Variants in PLOD2 observed in about 807,000 individuals in gnomAD.
The protein encoded by PLOD2 is procollagen-lysine,2-oxoglutarate 5-dioxygenase 2, also known as lysine hydroxylase 2.
A neutral mutation model predicts 101.0 loss-of-function variants in PLOD2; 65 were observed. The ratio of observed to expected loss-of-function variants is 0.64; its 90% CI spans 0.53 to 0.79. PLOD2 has a LOEUF of 0.79. Ranked by LOEUF, PLOD2 falls within the 30% of genes least tolerant of loss-of-function variation. The probability of loss-of-function intolerance (pLI) is 0.00; values close to 1 mark genes in which losing one functional copy is unlikely to be tolerated. For missense variants in PLOD2, 909 were observed against 914.6 expected (o/e 0.99, Z 0.08); for synonymous variants, 314 against 302.9 (o/e 1.04, Z -0.38).
intron 7 of PLOD2, among the ~76,000 whole-genome samples, chr3:146,099,081 G>A (rs983751995): frequency 6.6e-6 from 1 of 151,776 alleles, no homozygotes; most frequent in African/African-American, 2.4e-5. Flanking sequence ...TTGTCTAATA[G>A]AATAACAAAA....
chr3:146,128,880 C>CTTTTTTTT lies in PLOD2; in HGVS notation c.110-4659_110-4652dup, dbSNP rs3975816. The stretch of plus-strand genomic sequence containing the variant: ...CAGCTTCTGAAGTCCATCTGAAATC[C>CTTTTTTTT]TTTTTTTTTTTTTTTTTTTTTTTTT... On this transcript the variant is annotated intron_variant, in intron 1 of 19. Coordinates refer to ENST00000282903, the MANE Select transcript of PLOD2 (RefSeq NM_182943.3). Among the ~76,000 whole-genome samples, 79 of 73,236 alleles carry CTTTTTTTT rather than the reference C, an allele frequency of 1.1e-3. 3 individuals carry two copies. Among genetic ancestry groups the CTTTTTTTT allele is most frequent in the South Asian group, 3.0e-3 (4 of 1,314 alleles). The allele number at this position is 73,236 out of a possible 152,430, so 48.0% of individuals were successfully genotyped here.
chr3:146,160,976 G>C lies in PLOD2; in HGVS notation c.14C>G (p.Thr5Arg). MGGC[T>R]VKPQLLLLAL... ...CAGGAGCAGCAGCTGAGGCTTCACC[G>C]TGCATCCCCCCATATTCGGCCCTCG... The change falls in exon 1 of 20, where the codon ACG (threonine) becomes AGG (arginine). Residue 5 changes from threonine to arginine, a missense_variant. Thr to Arg is a moderately conservative substitution (Grantham distance 71). Coordinates refer to ENST00000282903, the MANE Select transcript of PLOD2 (RefSeq NM_182943.3). 7 of 1,586,764 alleles carry C rather than the reference G, an allele frequency of 4.4e-6. No homozygotes were observed. Among genetic ancestry groups the C allele is most frequent in the Non-Finnish European group, 6.0e-6 (7 of 1,166,310 alleles).
intron 8 of PLOD2, among the ~76,000 whole-genome samples, chr3:146,089,046 C>T (rs1227666104): frequency 6.6e-6 from 1 of 151,618 alleles, no homozygotes; most frequent in Non-Finnish European, 1.5e-5. Flanking sequence ...TTCTTCACAT[C>T]TGAAAGCTAT....
In PLOD2 at chr3:146,085,211, A is replaced by C. The variant is rs775584011; in HGVS notation, c.1190T>G (p.Leu397Trp). Residue 397 changes from leucine (L) to tryptophan (W), a missense_variant, in exon 11 of 20, where the codon TTG becomes TGG. Coordinates refer to ENST00000282903, the MANE Select transcript of PLOD2 (RefSeq NM_182943.3). Reference protein sequence around the residue: ...YYFSVDADVVLTNPRTLKILI... With the variant: ...YYFSVDADVVWTNPRTLKILI... Reference sequence around the variant, plus strand: ...AATTTTTAAAGTCCTTGGATTTGTCAAAACAACATCTGCATCCACACTAAA... The same window carrying C: ...AATTTTTAAAGTCCTTGGATTTGTCCAAACAACATCTGCATCCACACTAAA... 1.2e-6 allele frequency: 2 copies of C among 1,606,318 alleles called. No individual in the cohort carries two copies. Among genetic ancestry groups the C allele is most frequent in the Admixed American group, 1.7e-5 (1 of 59,964 alleles).
intron 9 of PLOD2, among the ~76,000 whole-genome samples, 166 bp from the exon 10 acceptor site, chr3:146,087,074 T>G (rs1936803243): frequency 6.6e-6 from 1 of 152,000 alleles, no homozygotes; most frequent in African/African-American, 2.4e-5. Flanking sequence ...TAAATATCAC[T>G]TAAATGTCAC....
At chr3:146,142,338 A>G (rs969616486) in intron 1 of PLOD2, among the ~76,000 whole-genome samples, 2 of 152,070 alleles carry the variant, frequency 1.3e-5, no homozygotes, top group Non-Finnish European at 2.9e-5. Context: ...TAAGTTAGCA[A>G]AACAAATCAG....
intron 7 of PLOD2, among the ~76,000 whole-genome samples, chr3:146,099,448 G>A (rs1371411392): frequency 1.3e-5 from 2 of 152,150 alleles, no homozygotes; most frequent in South Asian, 2.1e-4. Context: ...CCAGGCTGGA[G>A]TGCAATGGCC....
chr3:146,152,031 T>G (rs958390431), intron 1 of PLOD2, among the ~76,000 whole-genome samples: 3 of 152,190 alleles, frequency 2.0e-5, no homozygotes, highest in African/African-American at 7.2e-5. Context: ...GTAGATTTAC[T>G]AAATTATATA....
At chr3:146,144,025 C>T (rs1707468) in intron 1 of PLOD2, among the ~76,000 whole-genome samples, 102,937 of 151,870 alleles carry the variant, frequency 0.68, 35,165 homozygotes, top group East Asian at 0.8. Flanking sequence ...CTGTGGTCCC[C>T]GCTGCCTGTA....
intron 1 of PLOD2, among the ~76,000 whole-genome samples, chr3:146,155,284 A>G (rs1221510376): frequency 1.3e-5 from 2 of 152,020 alleles, no homozygotes; most frequent in Non-Finnish European, 2.9e-5. Flanking sequence ...TGATAGCGTC[A>G]CTGCATTCTA....
intron 1 of PLOD2, 68 bp from the exon 2 acceptor site, chr3:146,124,297 T>G (rs1037603962): frequency 1.2e-6 from 1 of 857,182 alleles, no homozygotes. Context: ...TACAACTCAC[T>G]ACAGTAATTG....
intron 1 of PLOD2, among the ~76,000 whole-genome samples, chr3:146,158,225 A>T (rs375044341): frequency 6.6e-6 from 1 of 152,154 alleles, no homozygotes; most frequent in Non-Finnish European, 1.5e-5. Flanking sequence ...ACTGGCACTG[A>T]TTAAGAAGGT....
chr3:146,156,282 T>G (rs537742478), intron 1 of PLOD2, among the ~76,000 whole-genome samples: 3 of 152,124 alleles, frequency 2.0e-5, no homozygotes, highest in Non-Finnish European at 4.4e-5. Context: ...ACAACTTAAG[T>G]GGGAATGTCA....
intron 1 of PLOD2, among the ~76,000 whole-genome samples, chr3:146,145,278 A>G (rs2031724975): frequency 6.6e-6 from 1 of 152,180 alleles, no homozygotes; most frequent in African/African-American, 2.4e-5. Flanking sequence ...TAAAACTGCT[A>G]TGGTGACATA....
rs772968319 is a variant in PLOD2, at chr3:146,160,867, C to G, written c.109+14G>C. ...CGAGCCTCGCGGGACAGCGGCGGACCGCGGGGTGCTCACCTGTGGGGATGC... is the reference window on the plus strand; with the variant it reads ...CGAGCCTCGCGGGACAGCGGCGGACGGCGGGGTGCTCACCTGTGGGGATGC... On this transcript the variant is annotated intron_variant, in intron 1 of 19. Coordinates refer to ENST00000282903, the MANE Select transcript of PLOD2 (RefSeq NM_182943.3). 12 of 1,510,932 alleles carry G rather than the reference C, an allele frequency of 7.9e-6. No individual in the cohort carries two copies. The African/African-American group carries it at 1.1e-4, about 14-fold the overall frequency. The allele number at this position is 1,510,932 out of a possible 1,614,324, so 93.6% of individuals were successfully genotyped here.
In PLOD2 at chr3:146,091,914, G is replaced by C; in HGVS notation, c.778-13C>G. On this transcript the variant is annotated splice_polypyrimidine_tract_variant and intron_variant, in intron 7 of 19. Transcript: ENST00000282903. ...AATTCAGGAGAATCTTGTAAATGAA[G>C]GAAAAGGTTATTAATGAAAGCAGGC... is the stretch of plus-strand genomic sequence containing the variant. The C allele has an allele frequency of 3.6e-6, 5 of 1,372,620 alleles. No individual in the cohort carries two copies. Among genetic ancestry groups the C allele is most frequent in the Non-Finnish European group, 5.2e-6 (5 of 960,214 alleles). 85.0% of individuals were successfully genotyped at this position (1,372,620 alleles called of 1,614,324 possible). A position where few individuals can be genotyped will look rare whatever the true frequency, so the allele number is the denominator to read the frequency against.
chr3:146,091,216 C>G (rs1260688496), intron 8 of PLOD2, among the ~76,000 whole-genome samples: 4 of 151,742 alleles, frequency 2.6e-5, no homozygotes, highest in African/African-American at 9.7e-5. Flanking sequence ...TAGTCTGGAG[C>G]CAGACTCCCT....
intron 8 of PLOD2, among the ~76,000 whole-genome samples, chr3:146,089,091 T>C (rs1422553451): frequency 2.0e-5 from 3 of 151,638 alleles, no homozygotes; most frequent in Non-Finnish European, 4.4e-5. Context: ...AAATACTAAT[T>C]GTGTTTCTCT....
At chr3:146,076,474 T>C (rs1004029640) in intron 15 of PLOD2, 10 of 204,960 alleles carry the variant, frequency 4.9e-5, no homozygotes, top group African/African-American at 1.4e-4. Flanking sequence ...AGTAATGGAA[T>C]TGCTGGGTCA....
Sources: gnomAD v4.1 joint callset for allele counts (sites outside exome capture counted in the v4.1 genomes callset) on GRCh38, gnomAD v4.1.1 for gene constraint, MANE v1.5 for transcripts, NCBI Gene and HGNC (gene_info 2026-07-23, HGNC 2026-07-21) for gene names.